STYXL1: variants seen among roughly 807,000 people sequenced by gnomAD.
STYXL1 encodes the protein serine/threonine/tyrosine-interacting-like protein 1.
A neutral mutation model predicts 36.4 loss-of-function variants in STYXL1; 32 were observed. The ratio of observed to expected loss-of-function variants is 0.88; its 90% CI spans 0.66 to 1.18. The LOEUF (loss-of-function observed/expected upper bound fraction) is 1.18, where lower values mean the gene tolerates loss of function less well. STYXL1 is among the 50% of genes most tolerant of loss of function. The probability of loss-of-function intolerance (pLI) is 0.00; values close to 1 mark genes in which losing one functional copy is unlikely to be tolerated. For synonymous variants in STYXL1, 133 were observed against 144.1 expected, an observed-to-expected ratio of 0.92 and a Z score of 0.55; for missense variants, 354 against 394.1, an observed-to-expected ratio of 0.90 and a Z score of 0.86.
rs1462343926 is a variant in STYXL1 at position 76,047,900 on chromosome 7, G to T, written c.-243C>A. On this transcript the variant is annotated 5_prime_UTR_variant, in exon 1 of 9. Transcript: ENST00000359697. ...GCAGACTGGCCCTCCCACTCCGACCGCAGGTCCCCCACCGGCCACACAGAC... is the reference window on the plus strand; with the variant it reads ...GCAGACTGGCCCTCCCACTCCGACCTCAGGTCCCCCACCGGCCACACAGAC... The T allele has an allele frequency of 2.1e-6, 3 of 1,407,942 alleles. No individual in the cohort carries two copies. In the African/African-American group the frequency reaches 4.4e-5, roughly 21 times the overall value. 87.2% of individuals were successfully genotyped at this position (1,407,942 alleles called of 1,614,324 possible).
chr7:75,999,556 T>TGTGTGTGTGTG (rs56000336), intron 8 of STYXL1, among the ~76,000 whole-genome samples: 1 of 145,942 alleles, frequency 6.9e-6, no homozygotes, highest in South Asian at 2.2e-4. Flanking sequence ...TGTGTGTATA[T>TGTGTGTGTGTG]TTTTTTTTGA....
chr7:76,000,868 G>T, intron 8 of STYXL1, 22 bp downstream of exon 8: 8 of 1,607,414 alleles, frequency 5.0e-6, no homozygotes, highest in Non-Finnish European at 6.8e-6. Context: ...CGTGGTGCGA[G>T]CCTGGCCCGG....
intron 4 of STYXL1, among the ~76,000 whole-genome samples, chr7:76,019,352 A>G (rs1793774835): frequency 6.6e-6 from 1 of 151,202 alleles, no homozygotes; most frequent in African/African-American, 2.4e-5. Flanking sequence ...GCTAGAATAC[A>G]GTGGTACAGT....
At chr7:76,026,187 G>A (rs1461101533) in intron 3 of STYXL1, among the ~76,000 whole-genome samples, 3 of 34,948 alleles carry the variant, frequency 8.6e-5, no homozygotes, top group Admixed American at 4.6e-4. Context: ...GCAAGACTCT[G>A]TCTCCAAAAA....
chr7:76,022,250 C>T (rs1047388046), intron 3 of STYXL1, among the ~76,000 whole-genome samples: 22 of 152,204 alleles, frequency 1.4e-4, no homozygotes, highest in African/African-American at 5.3e-4. Context: ...CAAAGAACAG[C>T]TGGTCTGCTG....
chr7:76,040,911 A>G (rs1376800640), intron 1 of STYXL1, among the ~76,000 whole-genome samples: 1 of 152,150 alleles, frequency 6.6e-6, no homozygotes, highest in Non-Finnish European at 1.5e-5. Flanking sequence ...CTGTTTTAAA[A>G]ATACATGTCC....
intron 8 of STYXL1, among the ~76,000 whole-genome samples, chr7:75,997,122 G>A (rs1181638644): frequency 1.3e-5 from 2 of 152,186 alleles, no homozygotes; most frequent in African/African-American, 4.8e-5. Context: ...GGCAAGAGTG[G>A]TGCCTAAAAC....
At chr7:76,021,779 C>T in intron 4 of STYXL1, 72 bp downstream of exon 4, 1 of 1,134,822 alleles carries the variant, frequency 8.8e-7, no homozygotes, top group South Asian at 1.2e-5. Context: ...GGCATATGAA[C>T]CTGTTGGTCC....
chr7:76,029,592 G>A (rs1364807347), intron 2 of STYXL1, among the ~76,000 whole-genome samples: 4 of 152,022 alleles, frequency 2.6e-5, no homozygotes, highest in Non-Finnish European at 5.9e-5. Context: ...CATTTTTTGT[G>A]CATTTCTATT....
intron 1 of STYXL1, among the ~76,000 whole-genome samples, chr7:76,040,364 C>T (rs1348031082): frequency 1.3e-5 from 2 of 152,174 alleles, no homozygotes; most frequent in African/African-American, 4.8e-5. Context: ...GCTGGTCTGC[C>T]TGACAGAAGG....
rs999475162 is a variant in STYXL1, at chr7:76,047,892, C to T, written c.-235G>A. 12 of 1,406,050 alleles carry T rather than the reference C, an allele frequency of 8.5e-6. No homozygotes were observed. The Admixed American group carries it at 8.5e-5, about 10-fold the overall frequency. The allele number at this position is 1,406,050 out of a possible 1,614,324, so 87.1% of individuals were successfully genotyped here. ...TCTTGGGTGCAGACTGGCCCTCCCA[C>T]TCCGACCGCAGGTCCCCCACCGGCC... On this transcript the variant is annotated 5_prime_UTR_variant, in exon 1 of 9. In the 5' UTR this introduces an upstream ATG that the reference lacks. Coordinates refer to ENST00000359697, the MANE Select transcript of STYXL1 (RefSeq NM_001317785.2).
At chr7:76,013,020 AT>A (rs1792764652) in intron 5 of STYXL1, among the ~76,000 whole-genome samples, 1 of 152,180 alleles carries the variant, frequency 6.6e-6, no homozygotes, top group Non-Finnish European at 1.5e-5. Flanking sequence ...CCCGACAGCC[AT>A]CAGTTCCTTA....
At chr7:76,045,263 G>A (rs1554583158) in intron 1 of STYXL1, 1 of 148,834 alleles carries the variant, frequency 6.7e-6, no homozygotes, top group Non-Finnish European at 1.5e-5. Flanking sequence ...CCGTAATTCA[G>A]ACCTTTGTCA....
At chr7:76,022,529 G>A (rs1794197766) in intron 3 of STYXL1, among the ~76,000 whole-genome samples, 2 of 151,892 alleles carry the variant, frequency 1.3e-5, no homozygotes, top group African/African-American at 4.8e-5. Context: ...GCCAGGCATA[G>A]TGGCATGCGC....
Position 76,047,908 on chromosome 7 carries a change from C to T in STYXL1, c.-251G>A. 1.4e-6 allele frequency: 2 copies of T among 1,418,914 alleles called. No homozygotes were observed. Among genetic ancestry groups the T allele is most frequent in the Admixed American group, 2.8e-5 (1 of 35,880 alleles). 87.9% of individuals were successfully genotyped at this position (1,418,914 alleles called of 1,614,324 possible). Reference sequence around the variant, plus strand: ...GCCCTCCCACTCCGACCGCAGGTCCCCCACCGGCCACACAGACGGCTACGC... The same window carrying T: ...GCCCTCCCACTCCGACCGCAGGTCCTCCACCGGCCACACAGACGGCTACGC... On this transcript the variant is annotated 5_prime_UTR_variant, in exon 1 of 9. Transcript: ENST00000359697.
chr7:76,006,525 A>G (rs1405251266), intron 5 of STYXL1, among the ~76,000 whole-genome samples: 1 of 152,108 alleles, frequency 6.6e-6, no homozygotes, highest in Non-Finnish European at 1.5e-5. Flanking sequence ...GCACTTTGGG[A>G]GGCTGAGGTG....
rs540979676 is a variant in STYXL1 at position 76,038,168 on chromosome 7, C to T, written c.-4-7641G>A. On this transcript the variant is annotated intron_variant, in intron 1 of 8. Transcript: ENST00000359697. ...ACTGCAGCCTCAAGCGATCCTCCCA[C>T]CTCAGCCTCCTGAGTAGCTGAGGCT... 5.3e-5 allele frequency among the ~76,000 whole-genome samples: 8 copies of T among 149,970 alleles called. No individual in the cohort carries two copies. In the South Asian group the frequency reaches 1.5e-3, roughly 29 times the overall value.
At chr7:76,039,774 A>G (rs1222777473) in intron 1 of STYXL1, among the ~76,000 whole-genome samples, 1 of 152,032 alleles carries the variant, frequency 6.6e-6, no homozygotes, top group Non-Finnish European at 1.5e-5. Context: ...CAGCCTCCCC[A>G]GTAGCAAGGA....
At chr7:76,044,939 T>C (rs1554583028) in intron 1 of STYXL1, 1 of 152,084 alleles carries the variant, frequency 6.6e-6, no homozygotes, top group Non-Finnish European at 1.5e-5. Flanking sequence ...CAAGTGATCG[T>C]CCGCCTTGGC....
Sources: gnomAD v4.1 joint callset for allele counts (sites outside exome capture counted in the v4.1 genomes callset) on GRCh38, gnomAD v4.1.1 for gene constraint, MANE v1.5 for transcripts, NCBI Gene and HGNC (gene_info 2026-07-23, HGNC 2026-07-21) for gene names.